Variants in BRAF observed in about 807,000 individuals in gnomAD.
The protein encoded by BRAF is serine/threonine-protein kinase B-raf.
Under a neutral mutation model 104.6 loss-of-function variants are expected in BRAF, and 16 were observed. That is an observed-to-expected ratio of 0.15 (90% CI 0.10 to 0.23). The LOEUF is 0.23. Ranked by LOEUF, BRAF falls within the 10% of genes least tolerant of loss-of-function variation. The pLI is 1.00. For missense variants in BRAF, 541 were observed against 937.3 expected (o/e 0.58, Z 5.52); for synonymous variants, 310 against 341.6 (o/e 0.91, Z 1.02).
In BRAF at chr7:140,924,077, G is replaced by A. The variant is rs955441528; in HGVS notation, c.138+489C>T. Among the ~76,000 whole-genome samples, 3 of 152,130 alleles carry A rather than the reference G, an allele frequency of 2.0e-5. No individual in the cohort carries two copies. The highest frequency in any genetic ancestry group is 7.2e-5 in the African/African-American group (3 of 41,424). ...AAAAGGGCAGCGGACTGAGAAGGGG[G>A]GCAGTCCGGGAGAGGAGAGAGGAAA... On this transcript the variant is annotated intron_variant, in intron 1 of 19. Transcript: ENST00000644969. This position sits in a 1 kb window ranked among gnomAD's most constrained non-coding sequence, Gnocchi z 4.2.
chr7:140,856,744 G>T (rs575580439), intron 1 of BRAF, among the ~76,000 whole-genome samples: 3 of 152,232 alleles, frequency 2.0e-5, no homozygotes, highest in South Asian at 2.1e-4. Flanking sequence ...CAGGGAATGG[G>T]GAGATATTTG....
downstream of BRAF, among the ~76,000 whole-genome samples, chr7:140,714,651 G>A (rs779545171): frequency 3.3e-5 from 5 of 152,156 alleles, no homozygotes; most frequent in Admixed American, 6.5e-5. Context: ...GTGAGCCACC[G>A]TGCGTGGACT....
intron 14 of BRAF, among the ~76,000 whole-genome samples, chr7:140,763,290 C>A (rs1798953137): frequency 7.0e-6 from 1 of 143,586 alleles, no homozygotes; most frequent in Non-Finnish European, 1.5e-5. Context: ...GGGGGGCTGA[C>A]CCCCCCCACC....
chr7:140,813,886 C>CAT lies in BRAF; in HGVS notation c.505-4893_505-4892dup, dbSNP rs1554405456. 2.9e-3 allele frequency among the ~76,000 whole-genome samples: 428 copies of CAT among 149,736 alleles called. 1 individual carries two copies. Among genetic ancestry groups the CAT allele is most frequent in the Middle Eastern group, 0.017 (5 of 290 alleles). On this transcript the variant is annotated intron_variant, in intron 3 of 19. Coordinates refer to ENST00000644969, the MANE Select transcript of BRAF (RefSeq NM_001374258.1). ...ACATGCACATGCATGCGGACGCATACATACACACACACACACACACACACA... is the reference window on the plus strand; with the variant it reads ...ACATGCACATGCATGCGGACGCATACATATACACACACACACACACACACACA...
chr7:140,824,274 G>A (rs1010707414), intron 3 of BRAF: 4 of 152,070 alleles, frequency 2.6e-5, no homozygotes, highest in Admixed American at 2.0e-4. Flanking sequence ...AAGTTTTATG[G>A]CTTTAACTGT....
At chr7:140,739,387 T>G (rs556920359) in intron 18 of BRAF, among the ~76,000 whole-genome samples, 1 of 152,250 alleles carries the variant, frequency 6.6e-6, no homozygotes, top group East Asian at 1.9e-4. Context: ...TTTTTTTCTC[T>G]TAGATAATAG....
rs1795480420 is a variant in BRAF at position 140,724,337 on chromosome 7, G to C, written c.*2157C>G. On this transcript the variant is annotated 3_prime_UTR_variant, in exon 20 of 20. Transcript: ENST00000644969. ...GAAACTTGAAGCCAATCTTGGTAAA[G>C]GGAACACAGCCACATTTAAAAGCAT... 2.8e-6 allele frequency: 3 copies of C among 1,054,700 alleles called. No homozygotes were observed. Among genetic ancestry groups the C allele is most frequent in the Non-Finnish European group, 3.4e-6 (3 of 872,734 alleles). The allele number at this position is 1,054,700 out of a possible 1,614,324, so 65.3% of individuals were successfully genotyped here.
chr7:140,913,307 T>G (rs1323286176), intron 1 of BRAF, among the ~76,000 whole-genome samples: 5 of 152,054 alleles, frequency 3.3e-5, no homozygotes, highest in Non-Finnish European at 7.4e-5. Context: ...GACCTTTGTT[T>G]TGTTTTCAAG....
At chr7:140,760,081 C>A (rs959841119) in intron 14 of BRAF, among the ~76,000 whole-genome samples, 5 of 152,156 alleles carry the variant, frequency 3.3e-5, no homozygotes, top group African/African-American at 1.2e-4. Context: ...ACTGCTGGAT[C>A]TAGCAACATG....
chr7:140,831,717 A>G (rs549400372), intron 3 of BRAF, among the ~76,000 whole-genome samples: 3 of 152,264 alleles, frequency 2.0e-5, no homozygotes, highest in Non-Finnish European at 4.4e-5. Flanking sequence ...TTTTTTTTGA[A>G]TTCAGAATTT....
At chr7:140,744,638 AC>A (rs1797202033) in intron 17 of BRAF, among the ~76,000 whole-genome samples, 1 of 152,056 alleles carries the variant, frequency 6.6e-6, no homozygotes, top group Non-Finnish European at 1.5e-5. Context: ...CTCAGTATTT[AC>A]CTCTTTAAAA....
chr7:140,845,169 T>C lies in BRAF; in HGVS notation c.240+4942A>G, dbSNP rs147489665. ...AAGGCCATTCAGTCTTTTCCACAAA[T>C]GATGCTGAGAAAACTGGGTATCCAT... On this transcript the variant is annotated intron_variant, in intron 2 of 19. Coordinates refer to ENST00000644969, the MANE Select transcript of BRAF (RefSeq NM_001374258.1). Among the ~76,000 whole-genome samples the C allele has an allele frequency of 3.8e-4, 58 of 152,270 alleles. No individual in the cohort carries two copies. In the East Asian group the frequency reaches 0.011, roughly 29 times the overall value.
rs142917904 is a variant in BRAF at position 140,890,786 on chromosome 7, C to A, written c.138+33780G>T. ...GCAAGGTCAAAACCCAAATAAAACA[C>A]TACTCTAACAGCTGTCACCCATATC... On this transcript the variant is annotated intron_variant, in intron 1 of 19. Transcript: ENST00000644969. 3.2e-3 allele frequency among the ~76,000 whole-genome samples: 492 copies of A among 152,286 alleles called. 3 individuals are homozygous for A. Among genetic ancestry groups the A allele is most frequent in the African/African-American group, 0.011 (470 of 41,570 alleles).
At position 140,789,817 on chromosome 7, in the gene BRAF, G is replaced by A. The variant is rs376278929; in HGVS notation, c.1141-2233C>T. Among the ~76,000 whole-genome samples, 111 of 152,292 alleles carry A rather than the reference G, an allele frequency of 7.3e-4. 3 individuals carry two copies. In the South Asian group the frequency reaches 0.022, roughly 30 times the overall value. ...ACGATCTTAGCTCACTGCAACCTTC[G>A]CCTCCTGGGTTCCAGCGATTCTCCT... On this transcript the variant is annotated intron_variant, in intron 8 of 19. Transcript: ENST00000644969.
At chr7:140,830,061 T>C (rs1806548228) in intron 3 of BRAF, among the ~76,000 whole-genome samples, 1 of 152,218 alleles carries the variant, frequency 6.6e-6, no homozygotes, top group African/African-American at 2.4e-5. Flanking sequence ...GGCCTTTCTG[T>C]TTAACAAAAG....
intron 6 of BRAF, 165 bp downstream of exon 6, chr7:140,801,247 T>C (rs764184519): frequency 7.4e-6 from 5 of 679,776 alleles, no homozygotes; most frequent in African/African-American, 3.6e-5. Context: ...GGGAGAGAAA[T>C]ACTGTCCATT....
At chr7:140,771,530 T>G (rs1331700360) in intron 14 of BRAF, among the ~76,000 whole-genome samples, 1 of 152,158 alleles carries the variant, frequency 6.6e-6, no homozygotes, top group Non-Finnish European at 1.5e-5. Flanking sequence ...ATCTTATGAG[T>G]TAACTGCAAC....
intron 14 of BRAF, among the ~76,000 whole-genome samples, chr7:140,761,669 G>A (rs891733561): frequency 6.6e-6 from 1 of 152,062 alleles, no homozygotes; most frequent in African/African-American, 2.4e-5. Flanking sequence ...ACACACATAG[G>A]CTCAAAATAA....
intron 1 of BRAF, among the ~76,000 whole-genome samples, chr7:140,919,547 G>C (rs977953225): frequency 1.3e-4 from 20 of 152,018 alleles, no homozygotes; most frequent in Non-Finnish European, 2.2e-4. Context: ...TAATGTTAGG[G>C]TGGAGACTGT....
Sources: gnomAD v4.1 joint callset for allele counts (sites outside exome capture counted in the v4.1 genomes callset) on GRCh38, gnomAD v4.1.1 for gene constraint, Gnocchi (gnomAD v3.1) non-coding constraint, MANE v1.5 for transcripts, NCBI Gene and HGNC (gene_info 2026-07-23, HGNC 2026-07-21) for gene names.